TMEM131: variants seen among roughly 807,000 people sequenced by gnomAD.
TMEM131 encodes the protein transmembrane protein 131, also known as 2610524E03Rik.
TMEM131 carries 66 observed loss-of-function variants against 211.6 expected under a neutral mutation model. That is an observed-to-expected ratio of 0.31 (90% CI 0.26 to 0.38). The LOEUF (loss-of-function observed/expected upper bound fraction) is 0.38, where lower values mean the gene tolerates loss of function less well. TMEM131 is among the 10% of genes least tolerant of loss of function. The pLI, the probability that TMEM131 is intolerant of heterozygous loss-of-function variation, is 1.00. For synonymous variants in TMEM131, 844 were observed against 841.3 expected (o/e 1.00, Z -0.06); for missense variants, 2,036 against 2,299.3 (o/e 0.89, Z 2.34).
intron 1 of TMEM131, among the ~76,000 whole-genome samples, chr2:97,976,708 A>AAACAG (rs748296014): frequency 5.9e-5 from 9 of 152,166 alleles, no homozygotes; most frequent in Non-Finnish European, 1.3e-4. Context: ...CAAAACTCTG[A>AAACAG]AACAGAACAA....
At chr2:97,967,021 AAAAC>A (rs140987291) in intron 1 of TMEM131, among the ~76,000 whole-genome samples, 97 of 152,008 alleles carry the variant, frequency 6.4e-4, no homozygotes, top group South Asian at 2.3e-3. Context: ...CCCACCACCT[AAAAC>A]AAACAAACAA....
intron 1 of TMEM131, among the ~76,000 whole-genome samples, chr2:97,974,051 C>T (rs573694079): frequency 6.6e-6 from 1 of 152,190 alleles, no homozygotes; most frequent in East Asian, 1.9e-4. Flanking sequence ...TCCATTGAAA[C>T]CAACCTAGAA....
At chr2:97,799,159 G>A (rs1680904760) in intron 25 of TMEM131, among the ~76,000 whole-genome samples, 1 of 152,012 alleles carries the variant, frequency 6.6e-6, no homozygotes, top group Admixed American at 6.6e-5. Context: ...CTGCACTGAT[G>A]GTCAGCAAAA....
chr2:97,895,388 G>T (rs971072300), intron 3 of TMEM131, among the ~76,000 whole-genome samples: 1 of 152,172 alleles, frequency 6.6e-6, no homozygotes, highest in Non-Finnish European at 1.5e-5. Context: ...CTCATAAAAT[G>T]AGTTAAGGAG....
Position 97,815,256 on chromosome 2 carries a change from G to C in TMEM131, c.1235C>G (p.Ala412Gly). Residue 412 changes from alanine (A) to glycine (G), a missense_variant, in exon 13 of 41, where the codon GCA (alanine) becomes GGA (glycine). By Grantham distance (60) the Ala-to-Gly change is moderately conservative (BLOSUM62 0). Around this residue, in one of 3 missense-constraint regions of TMEM131, gnomAD observed 1,623 missense variants for 1,805.9 expected, o/e 0.90. Coordinates refer to ENST00000186436, the MANE Select transcript of TMEM131 (RefSeq NM_015348.2). ...AAGTTTAGAATAACTCTTTTCCTTTGCTTTAACTGTTATTTTCCCAGAAAA... is the reference window on the plus strand; with the variant it reads ...AAGTTTAGAATAACTCTTTTCCTTTCCTTTAACTGTTATTTTCCCAGAAAA... Reference protein sequence around the residue: ...SQFSGKITVKAKEKSYSKLEI... With the variant: ...SQFSGKITVKGKEKSYSKLEI... 1 of 1,574,570 alleles carries C rather than the reference G, an allele frequency of 6.4e-7. No homozygotes were observed. The highest frequency in any genetic ancestry group is 8.6e-7 in the Non-Finnish European group (1 of 1,169,312).
At chr2:97,902,235 A>G (rs1559435962) in intron 3 of TMEM131, among the ~76,000 whole-genome samples, 1 of 152,194 alleles carries the variant, frequency 6.6e-6, no homozygotes, top group Non-Finnish European at 1.5e-5. Flanking sequence ...ACCCATGTAA[A>G]TTTAGAATAC....
chr2:97,760,566 C>G, intron 38 of TMEM131, 27 bp downstream of exon 38: 1 of 1,590,744 alleles, frequency 6.3e-7, no homozygotes, highest in Non-Finnish European at 8.6e-7. Flanking sequence ...TTCCGTCTTT[C>G]TAGCGGTTAG....
intron 32 of TMEM131, among the ~76,000 whole-genome samples, chr2:97,774,746 G>A (rs1015740537): frequency 2.6e-5 from 4 of 152,164 alleles, no homozygotes; most frequent in Admixed American, 6.5e-5. Context: ...CCTTCCGAAC[G>A]CTGATGCACA....
chr2:97,761,018 C>G, intron 36 of TMEM131, 104 bp from the exon 37 acceptor site: 1 of 1,473,248 alleles, frequency 6.8e-7, no homozygotes, highest in South Asian at 1.2e-5. Context: ...TTCTCTGCAG[C>G]GGGGCAGCTC....
chr2:97,886,695 A>G (rs1675173671), intron 4 of TMEM131, among the ~76,000 whole-genome samples: 1 of 152,134 alleles, frequency 6.6e-6, no homozygotes, highest in South Asian at 2.1e-4. Context: ...AATCTGGCCA[A>G]CTTAGGGTCT....
At chr2:97,912,597 CTCT>C (rs1314432870) in intron 2 of TMEM131, among the ~76,000 whole-genome samples, 3 of 152,200 alleles carry the variant, frequency 2.0e-5, no homozygotes, top group Non-Finnish European at 2.9e-5. Context: ...TTCACCACAT[CTCT>C]TTAGAACAGA....
At chr2:97,784,795 A>ATTT (rs1375518887) in intron 31 of TMEM131, among the ~76,000 whole-genome samples, 1 of 152,154 alleles carries the variant, frequency 6.6e-6, no homozygotes, top group African/African-American at 2.4e-5. Context: ...AACGGAGAAA[A>ATTT]ATCAATGAAA....
At chr2:97,772,496 C>T in intron 32 of TMEM131, 72 bp from the exon 33 acceptor site, 3 of 1,492,206 alleles carry the variant, frequency 2.0e-6, no homozygotes, top group East Asian at 2.3e-5. Flanking sequence ...TTTTAAGATA[C>T]AGACACAAAA....
At position 97,856,445 on chromosome 2, in the gene TMEM131, C is replaced by T. The variant is rs1462640663; in HGVS notation, c.483+2859G>A. On this transcript the variant is annotated intron_variant, in intron 5 of 40. Transcript: ENST00000186436. ...ACCTTAACAAGATTACTTGCATGTG[C>T]GTGTTAAAATATAATTATGTAAAAC... is the stretch of plus-strand genomic sequence containing the variant. Among the ~76,000 whole-genome samples, 7 of 151,876 alleles carry T rather than the reference C, an allele frequency of 4.6e-5. No individual in the cohort carries two copies. The East Asian group carries it at 5.8e-4, about 13-fold the overall frequency.
At chr2:97,892,349 G>A (rs1015122131) in intron 3 of TMEM131, among the ~76,000 whole-genome samples, 5 of 152,084 alleles carry the variant, frequency 3.3e-5, no homozygotes, top group East Asian at 1.9e-4. Context: ...TGATGAGGTC[G>A]AAATGATGAT....
Position 97,927,475 on chromosome 2 carries a change from G to T in TMEM131, c.200C>A (p.Ser67Ter). The part of the protein sequence containing the change: ...ARAEKEAFVQ[S>*]ESIIEVLRFD... Reference sequence around the variant, plus strand: ...ACGCAGTACTTCTATTATGCTCTCTGACTGAACGAATGCTGTGAAGAAAAC... The same window carrying T: ...ACGCAGTACTTCTATTATGCTCTCTTACTGAACGAATGCTGTGAAGAAAAC... Residue 67 changes from serine (S) to a stop codon, truncating the protein, a stop_gained, in exon 2 of 41, where the codon TCA (serine) becomes TAA (stop). Transcript: ENST00000186436. LOFTEE classifies it high-confidence loss of function. 6.3e-7 allele frequency: 1 copy of T among 1,579,516 alleles called. No individual in the cohort carries two copies. Among genetic ancestry groups the T allele is most frequent in the South Asian group, 1.2e-5 (1 of 82,120 alleles).
At chr2:97,831,949 G>A (rs1161971466) in intron 11 of TMEM131, among the ~76,000 whole-genome samples, 1 of 133,514 alleles carries the variant, frequency 7.5e-6, no homozygotes, top group African/African-American at 2.9e-5. Flanking sequence ...TTACAGGCGT[G>A]AGGCCACCAT....
intron 39 of TMEM131, chr2:97,759,327 C>CTA (rs1006937617): frequency 3.6e-6 from 2 of 549,974 alleles, no homozygotes; most frequent in Non-Finnish European, 6.5e-6. Flanking sequence ...ATGGTGACCT[C>CTA]TAGTTCTGGA....
intron 22 of TMEM131, among the ~76,000 whole-genome samples, chr2:97,803,839 T>TA (rs1421851840): frequency 6.6e-6 from 1 of 152,202 alleles, no homozygotes; most frequent in Non-Finnish European, 1.5e-5. Context: ...TATTTGTTCA[T>TA]AACTGGACAT....
Sources: allele counts gnomAD v4.1 joint callset (sites outside exome capture counted in the v4.1 genomes callset), GRCh38; gene constraint gnomAD v4.1.1; regional missense constraint gnomAD v4.1.1; transcripts MANE v1.5; gene names NCBI Gene and HGNC (gene_info 2026-07-23, HGNC 2026-07-21).